GPC5: variants seen among roughly 807,000 people sequenced by gnomAD.
The protein encoded by GPC5 is glypican-5.
GPC5 carries 47 observed loss-of-function variants against 53.9 expected under a neutral mutation model. That is an observed-to-expected ratio of 0.87 (90% CI 0.69 to 1.11). GPC5 has a LOEUF of 1.11. Among genes scored for constraint, GPC5 ranks in the 50% most tolerant of loss-of-function variants. The pLI, the probability that GPC5 is intolerant of heterozygous loss-of-function variation, is 0.00. For missense variants in GPC5, 748 were observed against 713.1 expected, an observed-to-expected ratio of 1.05 and a Z score of -0.56; for synonymous variants, 286 against 263.3, an observed-to-expected ratio of 1.09 and a Z score of -0.84.
intron 7 of GPC5, among the ~76,000 whole-genome samples, chr13:92,654,753 CAAAAA>C (rs36012771): frequency 6.7e-6 from 1 of 148,426 alleles, no homozygotes; most frequent in Non-Finnish European, 1.5e-5. Context: ...TTGTATTCAT[CAAAAA>C]AAAAAAAGTA....
At chr13:91,552,311 A>C (rs565314560) in intron 2 of GPC5, among the ~76,000 whole-genome samples, 1 of 152,146 alleles carries the variant, frequency 6.6e-6, no homozygotes, top group South Asian at 2.1e-4. Flanking sequence ...AGATGGACAC[A>C]GCTCCGTGAA....
At chr13:92,594,106 C>T (rs1243799978) in intron 7 of GPC5, among the ~76,000 whole-genome samples, 4 of 152,130 alleles carry the variant, frequency 2.6e-5, no homozygotes, top group African/African-American at 9.7e-5. Flanking sequence ...AAATGTAACC[C>T]TATATCCAGA....
At chr13:91,827,975 A>G (rs1312564205) in intron 5 of GPC5, among the ~76,000 whole-genome samples, 2 of 152,070 alleles carry the variant, frequency 1.3e-5, no homozygotes, top group Non-Finnish European at 1.5e-5. Context: ...AAACTTGTGT[A>G]TTTACACAAT....
intron 5 of GPC5, among the ~76,000 whole-genome samples, chr13:91,762,564 A>G (rs2037436358): frequency 6.6e-6 from 1 of 150,568 alleles, no homozygotes; most frequent in African/African-American, 2.4e-5. Context: ...TTATGACTTA[A>G]ACACCAGTTT....
intron 7 of GPC5, among the ~76,000 whole-genome samples, chr13:92,386,938 C>A (rs990378165): frequency 1.3e-5 from 2 of 152,070 alleles, no homozygotes; most frequent in African/African-American, 4.8e-5. Context: ...ATTTTGCTAA[C>A]TCTTTTGGAA....
intron 7 of GPC5, among the ~76,000 whole-genome samples, chr13:92,274,912 T>G (rs1213334496): frequency 6.6e-6 from 1 of 152,104 alleles, no homozygotes; most frequent in Non-Finnish European, 1.5e-5. Flanking sequence ...GGAATAAGCC[T>G]GCCACTGTAG....
At chr13:91,491,349 G>C (rs548383812) in intron 2 of GPC5, among the ~76,000 whole-genome samples, 2 of 152,138 alleles carry the variant, frequency 1.3e-5, no homozygotes, top group South Asian at 2.1e-4. Context: ...AAGAATCTTT[G>C]AGAATAAAAT....
At chr13:92,139,583 C>G (rs537578484) in intron 6 of GPC5, among the ~76,000 whole-genome samples, 25 of 146,446 alleles carry the variant, frequency 1.7e-4, no homozygotes, top group African/African-American at 6.4e-4. Flanking sequence ...AGGACAATTG[C>G]TTGAACCTGG....
intron 5 of GPC5, among the ~76,000 whole-genome samples, chr13:91,859,367 T>G (rs2039001350): frequency 6.6e-6 from 1 of 151,978 alleles, no homozygotes; most frequent in African/African-American, 2.4e-5. Context: ...TTTCAGTGAA[T>G]TTTTCAAGTC....
intron 6 of GPC5, among the ~76,000 whole-genome samples, chr13:92,105,514 G>A (rs1373811416): frequency 2.6e-5 from 4 of 151,922 alleles, no homozygotes; most frequent in Non-Finnish European, 4.4e-5. Flanking sequence ...TTGAAAATAA[G>A]CACTCTCTTA....
intron 7 of GPC5, among the ~76,000 whole-genome samples, chr13:92,554,483 C>G (rs952908824): frequency 6.7e-6 from 1 of 149,748 alleles, no homozygotes; most frequent in East Asian, 2.0e-4. Context: ...TAGATTTAAC[C>G]CAACAAGCTA....
intron 5 of GPC5, among the ~76,000 whole-genome samples, chr13:91,779,891 TA>T (rs764865441): frequency 1.9e-4 from 28 of 151,036 alleles, no homozygotes; most frequent in African/African-American, 5.6e-4. Context: ...ATAGTTAACT[TA>T]AAAAAAAATA....
chr13:92,849,272 T>C (rs1241475433), intron 7 of GPC5, among the ~76,000 whole-genome samples: 1 of 152,280 alleles, frequency 6.6e-6, no homozygotes, highest in East Asian at 1.9e-4. Flanking sequence ...CTGTATTTTG[T>C]TTAGCTATCC....
chr13:91,498,265 G>C (rs1884405114), intron 2 of GPC5, among the ~76,000 whole-genome samples: 1 of 75,092 alleles, frequency 1.3e-5, no homozygotes, highest in Non-Finnish European at 2.7e-5. Context: ...TTTTTGCTTA[G>C]TTCATAGTAT....
chr13:91,442,009 A>C (rs372991003), intron 1 of GPC5, among the ~76,000 whole-genome samples: 1 of 152,240 alleles, frequency 6.6e-6, no homozygotes, highest in East Asian at 1.9e-4. Flanking sequence ...AAATCCTGTA[A>C]GTTCACTAGA....
At chr13:92,487,712 G>A (rs932347830) in intron 7 of GPC5, among the ~76,000 whole-genome samples, 63 of 152,122 alleles carry the variant, frequency 4.1e-4, no homozygotes, top group African/African-American at 1.4e-3. Context: ...AGAAATGGAA[G>A]TAAATTTTAA....
At chr13:92,091,013 C>A (rs531263423) in intron 6 of GPC5, among the ~76,000 whole-genome samples, 449 of 152,244 alleles carry the variant, frequency 2.9e-3, no homozygotes, top group African/African-American at 0.01. Flanking sequence ...TCTAAAAAGG[C>A]AGCTTTCACG....
intron 4 of GPC5, among the ~76,000 whole-genome samples, chr13:91,746,287 A>G (rs770747112): frequency 6.6e-6 from 1 of 152,176 alleles, no homozygotes; most frequent in Non-Finnish European, 1.5e-5. Context: ...ACAGTGTGCT[A>G]GGCATTGCTT....
intron 2 of GPC5, among the ~76,000 whole-genome samples, chr13:91,507,228 C>T (rs1320592112): frequency 6.6e-6 from 1 of 152,080 alleles, no homozygotes; most frequent in Non-Finnish European, 1.5e-5. Flanking sequence ...TATCTGTCTT[C>T]TTGCTCTGTC....
Sources: allele counts gnomAD v4.1 joint callset (sites outside exome capture counted in the v4.1 genomes callset), GRCh38; gene constraint gnomAD v4.1.1; transcripts MANE v1.5; gene names NCBI Gene and HGNC (gene_info 2026-07-23, HGNC 2026-07-21).